PCDHGA10: variants seen among roughly 807,000 people sequenced by gnomAD.
The protein encoded by PCDHGA10 is protocadherin gamma-A10.
In PCDHGA10, 42 loss-of-function variants were observed where a neutral mutation model predicts 59.5. The observed-to-expected ratio is 0.71, with a 90% CI of 0.55 to 0.91. The LOEUF (loss-of-function observed/expected upper bound fraction) is 0.91. Among genes scored for constraint, PCDHGA10 ranks in the 40% least tolerant of loss-of-function variants. The probability of loss-of-function intolerance (pLI) is 0.00; values close to 1 mark genes in which losing one functional copy is unlikely to be tolerated. For missense variants in PCDHGA10, 1,111 were observed against 1,198.2 expected (o/e 0.93, Z 1.07); for synonymous variants, 511 against 517.2 (o/e 0.99, Z 0.16).
chr5:141,435,737 T>C (rs944951200), intron 1 of PCDHGA10, among the ~76,000 whole-genome samples: 1 of 152,202 alleles, frequency 6.6e-6, no homozygotes, highest in Non-Finnish European at 1.5e-5. Context: ...TATTACTCTT[T>C]GAAAAGCATT....
At chr5:141,478,506 ATAGGCAGGTGTTGGG>A in intron 1 of PCDHGA10, 1 of 1,612,314 alleles carries the variant, frequency 6.2e-7, no homozygotes, top group Non-Finnish European at 8.5e-7. Context: ...CCGGTGTTCT[ATAGGCAGGTGTTGGG>A]TGCAGAGAGC....
At chr5:141,419,793 C>T in intron 1 of PCDHGA10, 1 of 1,614,072 alleles carries the variant, frequency 6.2e-7, no homozygotes, top group East Asian at 2.2e-5. Flanking sequence ...CTGCTAGTCG[C>T]TGTAAGAGAT....
chr5:141,432,575 T>TACC lies in PCDHGA10; in HGVS notation c.2436+16965_2436+16967dup, dbSNP rs1044250629. 6.2e-7 allele frequency: 1 copy of TACC among 1,613,326 alleles called. No individual in the cohort carries two copies. The highest frequency in any genetic ancestry group is 1.3e-5 in the African/African-American group (1 of 74,718). ...CTCCGGCCAGAACGCCTGGCTGTCC[T>TACC]ACCGTCTGCTCAAGGCCAGCGAGCC... On this transcript the variant is annotated intron_variant, in intron 1 of 3. Transcript: ENST00000398610. This position sits in a 1 kb window ranked among gnomAD's most constrained non-coding sequence, Gnocchi z 6.0.
At position 141,489,783 on chromosome 5, in the gene PCDHGA10, T is replaced by C; in HGVS notation, c.2437-5024T>C. The C allele has an allele frequency of 6.2e-7, 1 of 1,614,164 alleles. No individual in the cohort carries two copies. On this transcript the variant is annotated intron_variant, in intron 1 of 3. Transcript: ENST00000398610. The surrounding 1 kb of genome is among the most constrained non-coding windows in gnomAD (Gnocchi z 4.5). ...GCCCCAACAGCCACTTCTCTCTGAA[T>C]GTGAAGACCCTAAAAGATGGGAAGC... is the stretch of plus-strand genomic sequence containing the variant.
intron 1 of PCDHGA10, among the ~76,000 whole-genome samples, chr5:141,430,101 G>C (rs918427744): frequency 6.6e-6 from 1 of 152,036 alleles, no homozygotes; most frequent in African/African-American, 2.4e-5. Context: ...ATTTTTAAGC[G>C]TTACATGTCA....
chr5:141,440,572 GT>G (rs1233263525), intron 1 of PCDHGA10: 1 of 152,200 alleles, frequency 6.6e-6, no homozygotes, highest in Non-Finnish European at 1.5e-5. Context: ...GTATCTCTGA[GT>G]TTACCCAGCT....
intron 1 of PCDHGA10, among the ~76,000 whole-genome samples, chr5:141,482,326 G>T (rs982211258): frequency 6.6e-6 from 1 of 152,072 alleles, no homozygotes. Context: ...AAAATAAAGA[G>T]AATATCTACT....
chr5:141,426,086 G>A (rs751467304), intron 1 of PCDHGA10, among the ~76,000 whole-genome samples: 5 of 152,218 alleles, frequency 3.3e-5, no homozygotes, highest in Non-Finnish European at 7.3e-5. Context: ...CTACCAGGAC[G>A]ATATTCTGTT....
chr5:141,497,573 T>C (rs1231425210), intron 2 of PCDHGA10, among the ~76,000 whole-genome samples: 1 of 149,502 alleles, frequency 6.7e-6, no homozygotes, highest in South Asian at 2.1e-4. Context: ...AGAGTCTTGC[T>C]CTGTTGCCCA....
At chr5:141,447,657 C>A (rs997179275) in intron 1 of PCDHGA10, among the ~76,000 whole-genome samples, 4 of 152,088 alleles carry the variant, frequency 2.6e-5, no homozygotes, top group Non-Finnish European at 4.4e-5. Context: ...TTTTCCCCCC[C>A]AGGAAGTTAG....
chr5:141,482,588 C>T (rs559327092), intron 1 of PCDHGA10, among the ~76,000 whole-genome samples: 3 of 147,192 alleles, frequency 2.0e-5, no homozygotes, highest in Admixed American at 6.8e-5. Context: ...GCAGTGGGAC[C>T]AAACGGGAAA....
chr5:141,474,654 T>C (rs2099352669), intron 1 of PCDHGA10, among the ~76,000 whole-genome samples: 1 of 152,250 alleles, frequency 6.6e-6, no homozygotes, highest in African/African-American at 2.4e-5. Context: ...CTTACTTCTT[T>C]TCTACCTACC....
In PCDHGA10 at chr5:141,511,186, G is replaced by T; in HGVS notation, c.*13G>T. On this transcript the variant is annotated 3_prime_UTR_variant, in exon 4 of 4. Transcript: ENST00000398610. ...GGAGAAGAAGTAACATGGAGGCCAG[G>T]CCAAGAGCCACAGGGCGGCCTCTCC... 6.2e-7 allele frequency: 1 copy of T among 1,613,906 alleles called. No individual in the cohort carries two copies. The highest frequency in any genetic ancestry group is 2.2e-5 in the East Asian group (1 of 44,876).
chr5:141,420,405 T>C (rs1188012975), intron 1 of PCDHGA10: 7 of 1,241,232 alleles, frequency 5.6e-6, no homozygotes, highest in East Asian at 5.7e-5. Flanking sequence ...AAATTTATGG[T>C]TATCATTATT....
rs2099643895 is a variant in PCDHGA10 at position 141,487,385 on chromosome 5, C to T, written c.2437-7422C>T. 1.9e-6 allele frequency: 3 copies of T among 1,614,160 alleles called. No homozygotes were observed. The highest frequency in any genetic ancestry group is 1.1e-5 in the South Asian group (1 of 91,086). On this transcript the variant is annotated intron_variant, in intron 1 of 3. Transcript: ENST00000398610. This position sits in a 1 kb window ranked among gnomAD's most constrained non-coding sequence, Gnocchi z 5.0. Reference sequence around the variant, plus strand: ...CACCTGTGCCTGTCTCACCAGATCTCGAAGGAGGGAGGGGCTTCCCCCTTC... The same window carrying T: ...CACCTGTGCCTGTCTCACCAGATCTTGAAGGAGGGAGGGGCTTCCCCCTTC...
At chr5:141,450,792 G>T (rs1222162745) in intron 1 of PCDHGA10, among the ~76,000 whole-genome samples, 2 of 149,686 alleles carry the variant, frequency 1.3e-5, no homozygotes, top group Non-Finnish European at 3.0e-5. Context: ...CGGACCTCAT[G>T]ATTGTATTTA....
At position 141,494,880 on chromosome 5, in the gene PCDHGA10, C is replaced by G. The variant is rs950094823; in HGVS notation, c.2495+15C>G. On this transcript the variant is annotated intron_variant, in intron 2 of 3. Transcript: ENST00000398610. ...GGCACCAGCGGGTAGGTGACTGATT[C>G]TCCAGCCCACCCTCTTCTCTGCGGC... The G allele has an allele frequency of 3.7e-6, 6 of 1,614,040 alleles. No individual in the cohort carries two copies. The African/African-American group carries it at 6.7e-5, about 18-fold the overall frequency.
At chr5:141,479,740 C>T (rs1434967266) in intron 1 of PCDHGA10, 1 of 152,168 alleles carries the variant, frequency 6.6e-6, no homozygotes, top group Non-Finnish European at 1.5e-5. Context: ...AGTATATGCA[C>T]AATGTGAAAG....
chr5:141,491,896 C>A lies in PCDHGA10; in HGVS notation c.2437-2911C>A. ...CGATTAAGGGATGGGGCTCCGAGCA[C>A]CGGGGGTGGTGGCGACTGTGGGCGA... On this transcript the variant is annotated intron_variant, in intron 1 of 3. Coordinates refer to ENST00000398610, the MANE Select transcript of PCDHGA10 (RefSeq NM_018913.3). This position sits in a 1 kb window ranked among gnomAD's most constrained non-coding sequence, Gnocchi z 6.9. 1 of 1,434,504 alleles carries A rather than the reference C, an allele frequency of 7.0e-7. No homozygotes were observed. Among genetic ancestry groups the A allele is most frequent in the Non-Finnish European group, 9.2e-7 (1 of 1,084,690 alleles). The allele number at this position is 1,434,504 out of a possible 1,614,324, so 88.9% of individuals were successfully genotyped here.
Sources: gnomAD v4.1 joint callset for allele counts (sites outside exome capture counted in the v4.1 genomes callset) on GRCh38, gnomAD v4.1.1 for gene constraint, Gnocchi (gnomAD v3.1) non-coding constraint, MANE v1.5 for transcripts, NCBI Gene and HGNC (gene_info 2026-07-23, HGNC 2026-07-21) for gene names.